Variants in GMDS observed in about 807,000 individuals in gnomAD.
GMDS encodes GDP-mannose 4,6 dehydratase.
In GMDS, 20 loss-of-function variants were observed where a neutral mutation model predicts 49.9. The observed-to-expected ratio is 0.40, with a 90% CI of 0.28 to 0.58. The LOEUF is 0.58. Ranked by LOEUF, GMDS falls within the 20% of genes least tolerant of loss-of-function variation. The pLI is 0.42. For missense variants in GMDS, 362 were observed against 481.4 expected (o/e 0.75, Z 2.32); for synonymous variants, 177 against 178.6 (o/e 0.99, Z 0.07).
At chr6:2,236,745 A>G (rs1781377318) in intron 1 of GMDS, among the ~76,000 whole-genome samples, 2 of 152,232 alleles carry the variant, frequency 1.3e-5, no homozygotes, top group African/African-American at 4.8e-5. Context: ...TTTGATTTTA[A>G]AAGATTTCTA....
At chr6:2,068,435 G>A (rs1221820609) in intron 4 of GMDS, among the ~76,000 whole-genome samples, 1 of 152,068 alleles carries the variant, frequency 6.6e-6, no homozygotes, top group Admixed American at 6.6e-5. Flanking sequence ...GCAGGAGAAG[G>A]AAATAAAGGG....
chr6:1,951,755 G>A (rs969130592), intron 6 of GMDS: 3 of 363,726 alleles, frequency 8.2e-6, no homozygotes, highest in African/African-American at 2.2e-5. Context: ...TAACAGGCAA[G>A]AGAAGTTATT....
chr6:2,047,080 T>C (rs966502362), intron 4 of GMDS, among the ~76,000 whole-genome samples: 1 of 152,218 alleles, frequency 6.6e-6, no homozygotes, highest in Non-Finnish European at 1.5e-5. Context: ...CAAATTTTAC[T>C]TTTTAGTTTT....
chr6:1,698,581 G>A (rs552383182), intron 9 of GMDS, among the ~76,000 whole-genome samples: 101 of 150,228 alleles, frequency 6.7e-4, no homozygotes, highest in Non-Finnish European at 3.4e-4. Context: ...ATGGCCGGGA[G>A]GTGAGCTGAG....
chr6:1,975,842 C>G (rs1764869957), intron 4 of GMDS, among the ~76,000 whole-genome samples: 1 of 152,132 alleles, frequency 6.6e-6, no homozygotes, highest in African/African-American at 2.4e-5. Context: ...TGGTTTGACA[C>G]TAACAAGCCA....
intron 6 of GMDS, among the ~76,000 whole-genome samples, chr6:1,958,325 G>C (rs1763755896): frequency 6.6e-6 from 1 of 151,750 alleles, no homozygotes; most frequent in South Asian, 2.1e-4. Context: ...AGTTGAGGGA[G>C]GAAGAACACA....
chr6:2,020,130 A>G (rs531585845), intron 4 of GMDS, among the ~76,000 whole-genome samples: 3 of 152,212 alleles, frequency 2.0e-5, no homozygotes, highest in Non-Finnish European at 4.4e-5. Flanking sequence ...GAAAACTGCT[A>G]TGAGCCTTAG....
At chr6:1,897,965 C>CTT (rs1760291216) in intron 7 of GMDS, among the ~76,000 whole-genome samples, 1 of 119,164 alleles carries the variant, frequency 8.4e-6, no homozygotes, top group African/African-American at 3.0e-5. Context: ...CCCTTGCCAT[C>CTT]CTGGACACCT....
At position 1,674,560 on chromosome 6, in the gene GMDS, C is replaced by CTTTTTT. The variant is rs869292549; in HGVS notation, c.988-50026_988-50021dup. Reference sequence around the variant, plus strand: ...CAACTCATCAACTCTCTCTCTCTCTCTTTTTTTTTTTTTTTTTTTTTTTTG... The same window carrying CTTTTTT: ...CAACTCATCAACTCTCTCTCTCTCTCTTTTTTTTTTTTTTTTTTTTTTTTTTTTTTG... On this transcript the variant is annotated intron_variant, in intron 9 of 10. Transcript: ENST00000380815. Among the ~76,000 whole-genome samples, 398 of 73,432 alleles carry CTTTTTT rather than the reference C, an allele frequency of 5.4e-3. 30 individuals are homozygous for CTTTTTT. The highest frequency in any genetic ancestry group is 9.4e-3 in the Middle Eastern group (1 of 106). The allele number at this position is 73,432 out of a possible 152,430, so 48.2% of individuals were successfully genotyped here.
intron 9 of GMDS, among the ~76,000 whole-genome samples, chr6:1,675,571 G>T (rs532494393): frequency 2.4e-4 from 37 of 152,258 alleles, no homozygotes; most frequent in African/African-American, 8.9e-4. Context: ...AATGTTAGCT[G>T]GCTGGGTGCG....
intron 7 of GMDS, among the ~76,000 whole-genome samples, chr6:1,846,034 A>C (rs1581249954): frequency 6.7e-6 from 1 of 149,948 alleles, no homozygotes; most frequent in Non-Finnish European, 1.5e-5. Context: ...GGTCTTTTTG[A>C]TAATATTAGA....
At chr6:1,819,774 A>ATATATATATAT (rs1554123170) in intron 7 of GMDS, among the ~76,000 whole-genome samples, 12 of 123,776 alleles carry the variant, frequency 9.7e-5, no homozygotes, top group African/African-American at 3.1e-4. Context: ...AAAAAAAAAA[A>ATATATATATAT]AAATATATAT....
At chr6:1,743,114 T>C (rs1427136566) in intron 7 of GMDS, among the ~76,000 whole-genome samples, 1 of 152,062 alleles carries the variant, frequency 6.6e-6, no homozygotes, top group East Asian at 1.9e-4. Flanking sequence ...ACAAAGTAAG[T>C]GCGAATCATT....
At chr6:2,080,750 T>C (rs1772642568) in intron 4 of GMDS, among the ~76,000 whole-genome samples, 1 of 152,152 alleles carries the variant, frequency 6.6e-6, no homozygotes, top group Non-Finnish European at 1.5e-5. Context: ...CAGTGTACAC[T>C]GGCACTGGTG....
At chr6:1,952,030 A>T in intron 6 of GMDS, 1 of 970,974 alleles carries the variant, frequency 1.0e-6, no homozygotes, top group Admixed American at 6.1e-5. Flanking sequence ...TACAATATTT[A>T]CATGACTTCT....
intron 1 of GMDS, among the ~76,000 whole-genome samples, chr6:2,173,342 T>C (rs151172210): frequency 7.9e-5 from 12 of 152,344 alleles, no homozygotes; most frequent in East Asian, 5.8e-4. Context: ...TACAAATCCA[T>C]AGTTTAAGAC....
chr6:2,212,711 A>T (rs1780123776), intron 1 of GMDS, among the ~76,000 whole-genome samples: 1 of 116,324 alleles, frequency 8.6e-6, no homozygotes, highest in African/African-American at 3.1e-5. Flanking sequence ...AACTTGTAAA[A>T]AAAAAAAAAA....
chr6:1,666,203 C>T (rs915420659), intron 9 of GMDS, among the ~76,000 whole-genome samples: 2 of 152,168 alleles, frequency 1.3e-5, no homozygotes, highest in Admixed American at 1.3e-4. Context: ...AGGGTCAAGT[C>T]GCTCTGAGAT....
intron 1 of GMDS, among the ~76,000 whole-genome samples, chr6:2,156,102 T>C (rs958848484): frequency 6.6e-6 from 1 of 152,180 alleles, no homozygotes; most frequent in Non-Finnish European, 1.5e-5. Context: ...AATAGATGGA[T>C]AATATAGTGT....
Sources: gnomAD v4.1 joint callset for allele counts (sites outside exome capture counted in the v4.1 genomes callset) on GRCh38, gnomAD v4.1.1 for gene constraint, MANE v1.5 for transcripts, NCBI Gene and HGNC (gene_info 2026-07-23, HGNC 2026-07-21) for gene names.